STAT5B: variants seen among roughly 807,000 people sequenced by gnomAD.
The protein encoded by STAT5B is signal transducer and activator of transcription 5B, also known as transcription factor STAT5B.
STAT5B carries 21 observed loss-of-function variants against 107.8 expected under a neutral mutation model. The observed-to-expected ratio is 0.19, with a 90% confidence interval of 0.14 to 0.28. STAT5B has a LOEUF of 0.28. Ranked by LOEUF, STAT5B falls within the 10% of genes least tolerant of loss-of-function variation. The pLI, the probability that STAT5B is intolerant of heterozygous loss-of-function variation, is 1.00. For synonymous variants in STAT5B, 325 were observed against 401.7 expected (o/e 0.81, Z 2.28); for missense variants, 565 against 1,008.2 (o/e 0.56, Z 5.95).
At chr17:42,231,473 C>T (rs891834618) in intron 2 of STAT5B, among the ~76,000 whole-genome samples, 5 of 152,144 alleles carry the variant, frequency 3.3e-5, no homozygotes, top group Non-Finnish European at 7.3e-5. Flanking sequence ...TCCCAAGTAG[C>T]TGGTACTACA....
intron 16 of STAT5B, among the ~76,000 whole-genome samples, chr17:42,203,199 C>A (rs1030355936): frequency 1.3e-5 from 2 of 152,096 alleles, no homozygotes; most frequent in African/African-American, 4.8e-5. Flanking sequence ...CCTTGGCCCC[C>A]CAAGGTGCTG....
intron 2 of STAT5B, among the ~76,000 whole-genome samples, chr17:42,229,202 T>C (rs923864512): frequency 6.6e-5 from 10 of 152,174 alleles, no homozygotes; most frequent in Admixed American, 6.5e-4. Context: ...CAGGCTGGGA[T>C]GCAGTAGCAC....
intron 1 of STAT5B, among the ~76,000 whole-genome samples, chr17:42,253,131 T>C (rs900112498): frequency 6.6e-6 from 1 of 152,166 alleles, no homozygotes; most frequent in Admixed American, 6.5e-5. Flanking sequence ...TTTCTTTCTT[T>C]CTTTCTTTTT....
chr17:42,252,172 G>A (rs533724216), intron 1 of STAT5B, among the ~76,000 whole-genome samples: 12 of 152,184 alleles, frequency 7.9e-5, no homozygotes, highest in African/African-American at 2.2e-4. Context: ...AGTGCTGTGC[G>A]ATATATCAAG....
intron 9 of STAT5B, 180 bp from the exon 10 acceptor site, chr17:42,217,644 G>A (rs2080183664): frequency 1.5e-6 from 1 of 662,550 alleles, no homozygotes; most frequent in Non-Finnish European, 2.6e-6. Flanking sequence ...TCTACAAAAT[G>A]AAACAAGATC....
At chr17:42,283,394 T>C in the STAT5B span, among the ~76,000 whole-genome samples, 1 of 152,072 alleles carries the variant, frequency 6.6e-6, no homozygotes, top group Non-Finnish European at 1.5e-5. Flanking sequence ...GGCTGGGAAA[T>C]GTGAACCTGG....
chr17:42,261,433 T>C (rs1567676348), intron 1 of STAT5B, among the ~76,000 whole-genome samples: 2 of 152,370 alleles, frequency 1.3e-5, no homozygotes, highest in South Asian at 2.1e-4. Flanking sequence ...CACTAAAAAG[T>C]ACTACGTGAT....
At chr17:42,220,085 G>A (rs1267008656) in intron 5 of STAT5B, among the ~76,000 whole-genome samples, 1 of 152,180 alleles carries the variant, frequency 6.6e-6, no homozygotes, top group African/African-American at 2.4e-5. Context: ...CGGGTGCTGG[G>A]GCAGCTGGGG....
At chr17:42,242,685 C>T (rs180938572) in intron 1 of STAT5B, among the ~76,000 whole-genome samples, 9 of 150,356 alleles carry the variant, frequency 6.0e-5, no homozygotes, top group African/African-American at 2.0e-4. Context: ...AACAAAAACA[C>T]GACTGGGTGT....
rs1350946306 is a variant in STAT5B at position 42,262,839 on chromosome 17, C to CAT, written c.-11+13407_-11+13408dup. Among the ~76,000 whole-genome samples the CAT allele has an allele frequency of 7.7e-4, 78 of 100,776 alleles. No homozygotes were observed. In the East Asian group the frequency reaches 0.013, roughly 16 times the overall value. 66.1% of individuals were successfully genotyped at this position (100,776 alleles called of 152,430 possible). On this transcript the variant is annotated intron_variant, in intron 1 of 18. Coordinates refer to ENST00000293328, the MANE Select transcript of STAT5B (RefSeq NM_012448.4). ...ACATATATATGTGTATATATACACA[C>CAT]ATATATATGTATATACACACATATA...
At chr17:42,216,165 CTTT>C (rs56888729) in intron 11 of STAT5B, 59 bp from the exon 12 acceptor site, 10 of 1,129,952 alleles carry the variant, frequency 8.8e-6, no homozygotes, top group Middle Eastern at 2.6e-4. Flanking sequence ...CTCCTTCTCT[CTTT>C]TTTTTTTTTC....
intron 1 of STAT5B, among the ~76,000 whole-genome samples, chr17:42,275,946 C>A (rs2080761359): frequency 6.6e-6 from 1 of 151,964 alleles, no homozygotes; most frequent in Admixed American, 6.5e-5. Flanking sequence ...GCGCGGGGTC[C>A]CCACACACCC....
At chr17:42,236,448 T>G (rs1182256311) in intron 1 of STAT5B, among the ~76,000 whole-genome samples, 1 of 152,220 alleles carries the variant, frequency 6.6e-6, no homozygotes, top group Non-Finnish European at 1.5e-5. Flanking sequence ...GTTTTTTGTT[T>G]GTTTGTTTTT....
intron 1 of STAT5B, among the ~76,000 whole-genome samples, chr17:42,232,934 C>T (rs1260531750): frequency 2.0e-5 from 3 of 151,266 alleles, no homozygotes; most frequent in South Asian, 2.1e-4. Context: ...CTCTGCCTCC[C>T]GGGTTCAAGC....
Position 42,219,359 on chromosome 17 carries a change from G to C in STAT5B, c.786C>G (p.Ala262=). The C allele has an allele frequency of 2.7e-6, 4 of 1,485,816 alleles. No homozygotes were observed. Among genetic ancestry groups the C allele is most frequent in the Middle Eastern group, 2.4e-4 (1 of 4,090 alleles). The allele number at this position is 1,485,816 out of a possible 1,614,324, so 92.0% of individuals were successfully genotyped here. Residue 262 remains alanine (A), a synonymous_variant, in exon 7 of 19, where the codon GCC becomes GCG. Transcript: ENST00000293328. Reference sequence around the variant, plus strand: ...TGCCCTCGGGGGGCCCGCCGTTCCCGGCCAGCTGCTGCCGCCGCTTCCACT... The same window carrying C: ...TGCCCTCGGGGGGCCCGCCGTTCCCCGCCAGCTGCTGCCGCCGCTTCCACT... The part of the protein sequence containing the change: ...LIQWKRRQQL[A]GNGGPPEGSL...
At chr17:42,267,178 A>G (rs924880707) in intron 1 of STAT5B, among the ~76,000 whole-genome samples, 7 of 152,224 alleles carry the variant, frequency 4.6e-5, no homozygotes, top group African/African-American at 1.4e-4. Context: ...AGTCTAGCAC[A>G]TACAATTGCG....
chr17:42,245,777 G>A (rs1179792169), intron 1 of STAT5B, among the ~76,000 whole-genome samples: 6 of 152,002 alleles, frequency 3.9e-5, no homozygotes, highest in Non-Finnish European at 8.8e-5. Flanking sequence ...GCCCACCTCG[G>A]CCTCCCAAAG....
intron 1 of STAT5B, among the ~76,000 whole-genome samples, chr17:42,240,397 G>A (rs1179200230): frequency 3.3e-5 from 5 of 152,196 alleles, no homozygotes. Flanking sequence ...GCATGCAAGG[G>A]AACATACTGT....
At chr17:42,239,634 C>A (rs1002140208) in intron 1 of STAT5B, among the ~76,000 whole-genome samples, 1 of 152,138 alleles carries the variant, frequency 6.6e-6, no homozygotes, top group Non-Finnish European at 1.5e-5. Context: ...ATCCCTCAGA[C>A]GTAGGCACTA....
Sources: gnomAD v4.1 joint callset for allele counts (sites outside exome capture counted in the v4.1 genomes callset) on GRCh38, gnomAD v4.1.1 for gene constraint, MANE v1.5 for transcripts, NCBI Gene and HGNC (gene_info 2026-07-23, HGNC 2026-07-21) for gene names.